The following FAM13A variants were observed in gnomAD, a reference collection of about 807,000 sequenced individuals.
The protein encoded by FAM13A is protein FAM13A.
FAM13A carries 76 observed loss-of-function variants against 129.6 expected under a neutral mutation model. That is an observed-to-expected ratio of 0.59 (90% CI 0.49 to 0.71). FAM13A has a LOEUF of 0.71. Among genes scored for constraint, FAM13A ranks in the 30% least tolerant of loss-of-function variants. The pLI is 0.00. For synonymous variants in FAM13A, 443 were observed against 449.9 expected, an observed-to-expected ratio of 0.98 and a Z score of 0.20; for missense variants, 1,108 against 1,249.3, an observed-to-expected ratio of 0.89 and a Z score of 1.70.
chr4:88,916,097 C>A (rs1300931097), intron 5 of FAM13A, among the ~76,000 whole-genome samples: 1 of 152,134 alleles, frequency 6.6e-6, no homozygotes, highest in Admixed American at 6.5e-5. Flanking sequence ...AGCCCCCTAA[C>A]TATGTGATGC....
At chr4:89,053,796 G>C (rs1771892443) in intron 1 of FAM13A, among the ~76,000 whole-genome samples, 1 of 152,092 alleles carries the variant, frequency 6.6e-6, no homozygotes, top group Admixed American at 6.6e-5. Context: ...ATCTACACAT[G>C]CATTTCAACT....
intron 1 of FAM13A, among the ~76,000 whole-genome samples, chr4:89,041,938 A>C (rs1258235036): frequency 6.6e-6 from 1 of 151,772 alleles, no homozygotes; most frequent in African/African-American, 2.4e-5. Flanking sequence ...AAAGAAAATA[A>C]TACTGTGGCA....
chr4:88,923,089 A>G (rs1466128168), intron 5 of FAM13A, among the ~76,000 whole-genome samples: 3 of 152,196 alleles, frequency 2.0e-5, no homozygotes, highest in Non-Finnish European at 2.9e-5. Flanking sequence ...GTCCAGGACC[A>G]GATGGATTCA....
At chr4:88,891,096 A>G (rs1392721221) in intron 6 of FAM13A, among the ~76,000 whole-genome samples, 3 of 152,236 alleles carry the variant, frequency 2.0e-5, no homozygotes, top group Admixed American at 6.5e-5. Flanking sequence ...AGCAATTGAT[A>G]GTCCCAATCT....
intron 7 of FAM13A, among the ~76,000 whole-genome samples, chr4:88,843,989 A>G (rs1456032274): frequency 6.6e-6 from 1 of 152,216 alleles, no homozygotes; most frequent in Non-Finnish European, 1.5e-5. Context: ...TTAAAAAATT[A>G]TACTATTTTA....
intron 5 of FAM13A, among the ~76,000 whole-genome samples, chr4:88,924,657 G>A (rs2214841): frequency 0.18 from 27,974 of 152,042 alleles, 2,730 homozygotes; most frequent in Non-Finnish European, 0.2. Flanking sequence ...AGGACTTCAT[G>A]TCTAAAACAC....
At chr4:89,025,281 G>A (rs2704579) in intron 2 of FAM13A, among the ~76,000 whole-genome samples, 12,933 of 71,256 alleles carry the variant, frequency 0.18, 801 homozygotes, top group Middle Eastern at 0.28. Flanking sequence ...TTTTTGAGAC[G>A]GAGTCTCGCT....
intron 21 of FAM13A, among the ~76,000 whole-genome samples, chr4:88,737,196 A>C (rs967900213): frequency 2.6e-5 from 4 of 152,246 alleles, no homozygotes; most frequent in African/African-American, 9.6e-5. Flanking sequence ...ATAATCCCTG[A>C]AAGCGAAGTA....
At position 88,747,848 on chromosome 4, in the gene FAM13A, G is replaced by T; in HGVS notation, c.2165C>A (p.Ser722Ter). The change falls in exon 18 of 24, where the codon TCA becomes TAA. Residue 722 changes from serine (S) to a stop codon, truncating the protein, a stop_gained. Transcript: ENST00000264344. LOFTEE classifies it high-confidence loss of function. ...LAKFRRQLKE[S>*]KLKISEEDLT... ...GTCCTCTTCAGATATCTTTAGTTTT[G>T]ATTCTAGTTGAGAAGATTTGGGGGT... is the stretch of plus-strand genomic sequence containing the variant. 1 of 1,603,280 alleles carries T rather than the reference G, an allele frequency of 6.2e-7. No homozygotes were observed. The highest frequency in any genetic ancestry group is 1.1e-5 in the South Asian group (1 of 90,670).
chr4:89,015,390 G>C (rs935061508), intron 3 of FAM13A, among the ~76,000 whole-genome samples: 7 of 152,098 alleles, frequency 4.6e-5, no homozygotes, highest in African/African-American at 1.7e-4. Flanking sequence ...GCGGCTTGCG[G>C]GGGCATCACG....
At chr4:88,977,775 T>C (rs1208860374) in intron 4 of FAM13A, among the ~76,000 whole-genome samples, 1 of 152,174 alleles carries the variant, frequency 6.6e-6, no homozygotes, top group Non-Finnish European at 1.5e-5. Context: ...GCATACTTAC[T>C]AACACTAATA....
chr4:89,042,624 G>C (rs1324307628), intron 1 of FAM13A, among the ~76,000 whole-genome samples: 2 of 151,986 alleles, frequency 1.3e-5, no homozygotes, highest in Non-Finnish European at 2.9e-5. Context: ...AAATATAATT[G>C]TTCTAGAAAT....
intron 6 of FAM13A, among the ~76,000 whole-genome samples, chr4:88,893,024 A>G (rs1414205535): frequency 6.6e-6 from 1 of 152,222 alleles, no homozygotes; most frequent in Admixed American, 6.5e-5. Flanking sequence ...AAATCATTAA[A>G]AAAGTGATAA....
At chr4:89,005,421 G>A (rs1445791982) in intron 3 of FAM13A, among the ~76,000 whole-genome samples, 1 of 152,044 alleles carries the variant, frequency 6.6e-6, no homozygotes. Flanking sequence ...TATTGCTCTG[G>A]GTATATACCT....
chr4:88,928,305 T>A (rs1397323741), intron 5 of FAM13A, among the ~76,000 whole-genome samples: 1 of 152,200 alleles, frequency 6.6e-6, no homozygotes, highest in Non-Finnish European at 1.5e-5. Flanking sequence ...AGAATGTATA[T>A]TCCATAGTTG....
In FAM13A at chr4:88,957,303, T is replaced by TGG. The variant is rs1257319748; in HGVS notation, c.606-19063_606-19062insCC. On this transcript the variant is annotated intron_variant, in intron 4 of 23. Transcript: ENST00000264344. ...GAGATTGCACCACTGCACTCCAGCC[T>TGG]GCATGACAGAGCGAGACTCTGTCTC... is the stretch of plus-strand genomic sequence containing the variant. Among the ~76,000 whole-genome samples the TGG allele has an allele frequency of 7.2e-5, 11 of 151,922 alleles. No individual in the cohort carries two copies. In the East Asian group the frequency reaches 2.1e-3, roughly 30 times the overall value.
At chr4:88,883,625 A>C (rs960229952) in intron 6 of FAM13A, among the ~76,000 whole-genome samples, 4 of 152,132 alleles carry the variant, frequency 2.6e-5, no homozygotes, top group Non-Finnish European at 5.9e-5. Flanking sequence ...AGAACAAACT[A>C]AACTCAAACC....
rs114939939 is a variant in FAM13A at position 88,835,687 on chromosome 4, G to T, written c.1007+15333C>A. 6.6e-3 allele frequency among the ~76,000 whole-genome samples: 996 copies of T among 152,028 alleles called. 17 individuals carry two copies. Among genetic ancestry groups the T allele is most frequent in the African/African-American group, 0.023 (953 of 41,450 alleles). On this transcript the variant is annotated intron_variant, in intron 7 of 23. Coordinates refer to ENST00000264344, the MANE Select transcript of FAM13A (RefSeq NM_014883.4). The stretch of plus-strand genomic sequence containing the variant: ...CAGGCATTAGATTCTCACAAGGAAC[G>T]TGCAACCTAGATCCCTTGCATGTGT...
chr4:88,867,875 TGAAAA>T (rs1478722285), intron 6 of FAM13A, among the ~76,000 whole-genome samples: 5 of 152,142 alleles, frequency 3.3e-5, no homozygotes, highest in Non-Finnish European at 5.9e-5. Flanking sequence ...AACAGTTAAT[TGAAAA>T]GAAAAGTGGT....
Sources: allele counts gnomAD v4.1 joint callset (sites outside exome capture counted in the v4.1 genomes callset), GRCh38; gene constraint gnomAD v4.1.1; transcripts MANE v1.5; gene names NCBI Gene and HGNC (gene_info 2026-07-23, HGNC 2026-07-21).